Variants in SPEF2 observed in about 807,000 individuals in gnomAD.
SPEF2 encodes the protein sperm flagella and cilia-associated protein 2.
A neutral mutation model predicts 224.6 loss-of-function variants in SPEF2; 187 were observed. The observed-to-expected ratio is 0.83, with a 90% CI of 0.74 to 0.94. The LOEUF (loss-of-function observed/expected upper bound fraction) is 0.94, where lower values mean the gene tolerates loss of function less well. Ranked by LOEUF, SPEF2 falls within the 40% of genes least tolerant of loss-of-function variation. SPEF2 has a pLI of 0.00. For synonymous variants in SPEF2, 715 were observed against 707.3 expected (o/e 1.01, Z -0.17); for missense variants, 2,170 against 2,135.6 (o/e 1.02, Z -0.32).
intron 1 of SPEF2, among the ~76,000 whole-genome samples, chr5:35,621,694 C>A (rs969250264): frequency 4.6e-5 from 7 of 152,274 alleles, no homozygotes; most frequent in African/African-American, 1.7e-4. Context: ...AGAAGTGGCC[C>A]AGCCCATAGT....
intron 36 of SPEF2, among the ~76,000 whole-genome samples, chr5:35,809,407 A>T (rs1216277897): frequency 6.6e-6 from 1 of 152,168 alleles, no homozygotes; most frequent in Non-Finnish European, 1.5e-5. Flanking sequence ...TTGTGCTGGA[A>T]GTGTGGAGGG....
At chr5:35,811,251 C>G (rs1758513817) in intron 36 of SPEF2, among the ~76,000 whole-genome samples, 1 of 151,924 alleles carries the variant, frequency 6.6e-6, no homozygotes, top group South Asian at 2.1e-4. Flanking sequence ...ACACTTCAAC[C>G]ACAGTGATGT....
chr5:35,684,760 A>G (rs1753342360), intron 10 of SPEF2, among the ~76,000 whole-genome samples: 1 of 152,228 alleles, frequency 6.6e-6, no homozygotes, highest in Non-Finnish European at 1.5e-5. Flanking sequence ...TAGAAACTCA[A>G]GTCATCTGAT....
At chr5:35,723,360 A>G (rs1295717385) in intron 20 of SPEF2, among the ~76,000 whole-genome samples, 1 of 152,122 alleles carries the variant, frequency 6.6e-6, no homozygotes, top group Non-Finnish European at 1.5e-5. Flanking sequence ...AGAAATATAG[A>G]TACTCAGCCC....
At chr5:35,653,544 G>A (rs1168444384) in intron 6 of SPEF2, among the ~76,000 whole-genome samples, 1 of 152,092 alleles carries the variant, frequency 6.6e-6, no homozygotes, top group East Asian at 1.9e-4. Context: ...CTGACACTTG[G>A]GTTATCAATA....
At chr5:35,714,853 T>C (rs1742228138) in intron 20 of SPEF2, among the ~76,000 whole-genome samples, 1 of 90,606 alleles carries the variant, frequency 1.1e-5, no homozygotes, top group African/African-American at 3.6e-5. Flanking sequence ...CTCTAAAATA[T>C]CAGCCTTGCA....
chr5:35,764,388 CT>C (rs1751785145), intron 26 of SPEF2, among the ~76,000 whole-genome samples: 1 of 151,834 alleles, frequency 6.6e-6, no homozygotes, highest in African/African-American at 2.4e-5. Flanking sequence ...GAACCTAGGT[CT>C]ATATGACTTC....
intron 2 of SPEF2, among the ~76,000 whole-genome samples, chr5:35,636,232 A>T (rs1358500794): frequency 6.6e-6 from 1 of 152,178 alleles, no homozygotes; most frequent in East Asian, 1.9e-4. Context: ...TTGAATAGAG[A>T]TATCTTTCAA....
intron 6 of SPEF2, among the ~76,000 whole-genome samples, chr5:35,651,256 C>A (rs542209130): frequency 6.6e-6 from 1 of 152,282 alleles, no homozygotes; most frequent in East Asian, 1.9e-4. Flanking sequence ...TGTTTCCCTG[C>A]ATAAAATTGG....
intron 17 of SPEF2, 142 bp downstream of exon 17, chr5:35,704,804 G>A: frequency 1.6e-6 from 1 of 614,122 alleles, no homozygotes; most frequent in Non-Finnish European, 2.9e-6. Flanking sequence ...AAGTAGTTTT[G>A]ACAATAAGTG....
At chr5:35,807,385 G>A (rs1254096484) in intron 36 of SPEF2, 132 bp downstream of exon 36, 2 of 1,339,018 alleles carry the variant, frequency 1.5e-6, no homozygotes, top group African/African-American at 1.5e-5. Flanking sequence ...ATCTGGAGAA[G>A]CTAAGCTGGT....
intron 6 of SPEF2, among the ~76,000 whole-genome samples, chr5:35,653,857 G>T (rs1438157825): frequency 2.0e-5 from 3 of 149,708 alleles, no homozygotes; most frequent in African/African-American, 7.4e-5. Context: ...TGAGGCAGGA[G>T]AATTGCTTGA....
intron 16 of SPEF2, chr5:35,702,009 G>A: frequency 5.5e-6 from 2 of 366,532 alleles, no homozygotes; most frequent in Non-Finnish European, 1.1e-5. Flanking sequence ...GTAGATAATA[G>A]CCAGAATTTA....
At chr5:35,812,373 A>G (rs760767776) in intron 36 of SPEF2, among the ~76,000 whole-genome samples, 15 of 152,216 alleles carry the variant, frequency 9.9e-5, no homozygotes, top group Non-Finnish European at 2.1e-4. Context: ...TGCGTTGGAC[A>G]TTATAGGCAT....
At chr5:35,763,761 G>A in intron 26 of SPEF2, 59 bp downstream of exon 26, 1 of 1,435,320 alleles carries the variant, frequency 7.0e-7, no homozygotes, top group South Asian at 1.5e-5. Flanking sequence ...TACCAAGGTT[G>A]GTAATATGCT....
chr5:35,791,577 T>C (rs1389972331), intron 30 of SPEF2: 3 of 152,186 alleles, frequency 2.0e-5, no homozygotes, highest in African/African-American at 7.2e-5. Flanking sequence ...TTCTAGAAGG[T>C]ACCTCTTTGT....
chr5:35,701,079 G>A (rs1263292232), intron 16 of SPEF2, among the ~76,000 whole-genome samples: 6 of 152,060 alleles, frequency 3.9e-5, no homozygotes, highest in Non-Finnish European at 8.8e-5. Flanking sequence ...GCGTGTTTTC[G>A]TGGGTCACCC....
chr5:35,730,260 G>A (rs925052380), intron 21 of SPEF2, among the ~76,000 whole-genome samples: 15 of 152,232 alleles, frequency 9.9e-5, no homozygotes, highest in African/African-American at 3.6e-4. Flanking sequence ...AGCCACAAGA[G>A]AAGGTGCAGA....
intron 30 of SPEF2, among the ~76,000 whole-genome samples, chr5:35,780,440 A>C (rs551529846): frequency 6.6e-6 from 1 of 152,256 alleles, no homozygotes; most frequent in African/African-American, 2.4e-5. Context: ...CAGGCTTTAC[A>C]GCTCCAAGGT....
Sources: allele counts gnomAD v4.1 joint callset (sites outside exome capture counted in the v4.1 genomes callset), GRCh38; gene constraint gnomAD v4.1.1; transcripts MANE v1.5; gene names NCBI Gene and HGNC (gene_info 2026-07-23, HGNC 2026-07-21).